Variants in SAMD12 observed in about 807,000 individuals in gnomAD.
The protein encoded by SAMD12 is sterile alpha motif domain containing 12, also known as sterile alpha motif domain-containing protein 12.
A neutral mutation model predicts 15.0 loss-of-function variants in SAMD12; 9 were observed. The ratio of observed to expected loss-of-function variants is 0.60; its 90% confidence interval spans 0.36 to 1.05. SAMD12 has a LOEUF of 1.05. Among genes scored for constraint, SAMD12 ranks in the 50% least tolerant of loss-of-function variants. SAMD12 has a pLI of 0.01. For missense variants in SAMD12, 230 were observed against 234.2 expected (o/e 0.98, Z 0.12); for synonymous variants, 86 against 90.1 (o/e 0.96, Z 0.25).
intron 3 of SAMD12, among the ~76,000 whole-genome samples, chr8:118,392,162 C>T (rs1048519045): frequency 2.6e-5 from 4 of 152,240 alleles, no homozygotes; most frequent in Admixed American, 2.6e-4. Flanking sequence ...GGCGCAGTGG[C>T]TCACGCCTGT....
chr8:118,492,282 A>C (rs1370576113), intron 2 of SAMD12, among the ~76,000 whole-genome samples: 1 of 152,044 alleles, frequency 6.6e-6, no homozygotes, highest in African/African-American at 2.4e-5. Context: ...TGTCCATTCG[A>C]ATCTTTGCCA....
intron 1 of SAMD12, among the ~76,000 whole-genome samples, chr8:118,594,413 A>G (rs1029127767): frequency 7.2e-4 from 109 of 151,946 alleles, no homozygotes; most frequent in African/African-American, 2.5e-3. Flanking sequence ...TTAGCAAAAG[A>G]AAAAAAACCT....
intron 2 of SAMD12, among the ~76,000 whole-genome samples, chr8:118,479,972 T>C (rs914960086): frequency 1.3e-5 from 2 of 152,178 alleles, no homozygotes; most frequent in African/African-American, 4.8e-5. Flanking sequence ...ACCAGAATCA[T>C]ATTTAGATTC....
chr8:118,340,819 G>A (rs1334543303), intron 4 of SAMD12, among the ~76,000 whole-genome samples: 1 of 152,134 alleles, frequency 6.6e-6, no homozygotes, highest in East Asian at 1.9e-4. Context: ...TCTCCAGACT[G>A]AAATTTAAAT....
At chr8:118,150,667 A>G in the SAMD12 span, among the ~76,000 whole-genome samples, 1 of 152,118 alleles carries the variant, frequency 6.6e-6, no homozygotes, top group Admixed American at 6.6e-5. Flanking sequence ...CCACTCCTGG[A>G]CATTATTATT....
At chr8:118,481,185 C>T (rs1190831872) in intron 2 of SAMD12, among the ~76,000 whole-genome samples, 2 of 148,858 alleles carry the variant, frequency 1.3e-5, no homozygotes, top group African/African-American at 2.4e-5. Flanking sequence ...AAACTCCTGA[C>T]CTCAAGTGAT....
intron 2 of SAMD12, among the ~76,000 whole-genome samples, chr8:118,574,206 ATTTAGTAG>A (rs1251301229): frequency 6.6e-6 from 1 of 152,212 alleles, no homozygotes; most frequent in African/African-American, 2.4e-5. Context: ...CACTTTAGTA[ATTTAGTAG>A]TTTGGGTGGA....
At chr8:118,347,820 G>C (rs573714457) in intron 4 of SAMD12, among the ~76,000 whole-genome samples, 1 of 152,196 alleles carries the variant, frequency 6.6e-6, no homozygotes, top group East Asian at 1.9e-4. Context: ...CTCTTACTGT[G>C]TGTTAAGAGC....
the SAMD12 span, among the ~76,000 whole-genome samples, chr8:118,181,774 G>A: frequency 1.3e-5 from 2 of 152,170 alleles, no homozygotes; most frequent in Admixed American, 6.5e-5. Flanking sequence ...GTCACTAGCA[G>A]CCGAAAGAGT....
At chr8:118,286,327 A>G (rs1054979508) in intron 4 of SAMD12, among the ~76,000 whole-genome samples, 11 of 151,860 alleles carry the variant, frequency 7.2e-5, no homozygotes, top group African/African-American at 2.4e-4. Flanking sequence ...TAAAAAAAAA[A>G]GAAAGCAAGC....
chr8:118,530,720 C>G (rs1825661845), intron 2 of SAMD12, among the ~76,000 whole-genome samples: 1 of 152,142 alleles, frequency 6.6e-6, no homozygotes, highest in African/African-American at 2.4e-5. Flanking sequence ...TCCCATATGT[C>G]TACTTTTGTT....
intron 2 of SAMD12, among the ~76,000 whole-genome samples, chr8:118,476,846 T>C (rs972979746): frequency 2.0e-5 from 3 of 152,224 alleles, no homozygotes; most frequent in African/African-American, 7.2e-5. Context: ...GGCATTTGTT[T>C]CTTTAGCTCG....
At chr8:118,582,806 G>T (rs1827329512) in intron 1 of SAMD12, among the ~76,000 whole-genome samples, 1 of 151,824 alleles carries the variant, frequency 6.6e-6, no homozygotes, top group South Asian at 2.1e-4. Flanking sequence ...TAGATTAAAT[G>T]GTATGGAAAA....
chr8:118,336,929 C>T (rs890603377), intron 4 of SAMD12, among the ~76,000 whole-genome samples: 1 of 152,148 alleles, frequency 6.6e-6, no homozygotes, highest in Non-Finnish European at 1.5e-5. Flanking sequence ...CCAAACACTG[C>T]ATGTTCTCAT....
intron 2 of SAMD12, among the ~76,000 whole-genome samples, chr8:118,551,233 GCAC>G (rs1586811155): frequency 6.6e-6 from 1 of 151,902 alleles, no homozygotes; most frequent in African/African-American, 2.4e-5. Flanking sequence ...ATTTTTTTCA[GCAC>G]CACACCACAC....
At chr8:118,318,345 TATATATATATAC>T (rs1563759017) in intron 4 of SAMD12, among the ~76,000 whole-genome samples, 8 of 90,270 alleles carry the variant, frequency 8.9e-5, no homozygotes, top group South Asian at 3.3e-4. Flanking sequence ...TATATATATA[TATATATATATAC>T]ATATATACCA....
intron 4 of SAMD12, among the ~76,000 whole-genome samples, chr8:118,233,330 T>C (rs1203747130): frequency 6.6e-6 from 1 of 152,168 alleles, no homozygotes; most frequent in Non-Finnish European, 1.5e-5. Context: ...GCACTGACCA[T>C]GACAATTAGG....
intron 3 of SAMD12, among the ~76,000 whole-genome samples, chr8:118,416,844 T>C (rs1487134569): frequency 6.6e-6 from 1 of 152,246 alleles, no homozygotes; most frequent in African/African-American, 2.4e-5. Context: ...AATAATCTGA[T>C]TTTGATGATT....
chr8:118,609,722 A>G (rs920585951), intron 1 of SAMD12, among the ~76,000 whole-genome samples: 8 of 152,108 alleles, frequency 5.3e-5, no homozygotes, highest in African/African-American at 1.9e-4. Context: ...TGCTTTTTCA[A>G]TCTCTCCAGA....
Sources: gnomAD v4.1 joint callset for allele counts (sites outside exome capture counted in the v4.1 genomes callset) on GRCh38, gnomAD v4.1.1 for gene constraint, MANE v1.5 for transcripts, NCBI Gene and HGNC (gene_info 2026-07-23, HGNC 2026-07-21) for gene names.